ANKIB1: variants seen among roughly 807,000 people sequenced by gnomAD.
ANKIB1 encodes ankyrin repeat and IBR domain-containing protein 1.
In ANKIB1, 43 loss-of-function variants were observed where a neutral mutation model predicts 122.1. The observed-to-expected ratio is 0.35, with a 90% CI of 0.28 to 0.45. The LOEUF (loss-of-function observed/expected upper bound fraction) is 0.45, where lower values mean the gene tolerates loss of function less well. ANKIB1 is among the 20% of genes least tolerant of loss of function. The pLI, the probability that ANKIB1 is intolerant of heterozygous loss-of-function variation, is 1.00. For missense variants in ANKIB1, 992 were observed against 1,329.5 expected, an observed-to-expected ratio of 0.75 and a Z score of 3.95; for synonymous variants, 390 against 442.0, an observed-to-expected ratio of 0.88 and a Z score of 1.48.
At chr7:92,269,168 ATG>A (rs1801734134) in intron 1 of ANKIB1, among the ~76,000 whole-genome samples, 1 of 152,174 alleles carries the variant, frequency 6.6e-6, no homozygotes, top group Admixed American at 6.5e-5. Flanking sequence ...TTGTAATAGC[ATG>A]TCTCACCCTG....
intron 11 of ANKIB1, among the ~76,000 whole-genome samples, chr7:92,384,819 G>A (rs1483685690): frequency 6.6e-6 from 1 of 152,144 alleles, no homozygotes. Flanking sequence ...TCAGGACATA[G>A]GCATGGACAA....
chr7:92,355,171 AC>A (rs1803768960), intron 9 of ANKIB1, among the ~76,000 whole-genome samples: 1 of 152,186 alleles, frequency 6.6e-6, no homozygotes, highest in Non-Finnish European at 1.5e-5. Flanking sequence ...CTTTATAATT[AC>A]AATTTGTGTG....
chr7:92,306,051 C>T (rs1031947815), intron 2 of ANKIB1, among the ~76,000 whole-genome samples: 2 of 150,678 alleles, frequency 1.3e-5, no homozygotes, highest in Non-Finnish European at 3.0e-5. Context: ...CCACCCCACC[C>T]TCTGGTCTCC....
chr7:92,386,357 G>C (rs1160037055), intron 11 of ANKIB1, among the ~76,000 whole-genome samples, 152 bp from the exon 12 acceptor site: 2 of 152,114 alleles, frequency 1.3e-5, no homozygotes, highest in Non-Finnish European at 2.9e-5. Flanking sequence ...GTCTCCAGAG[G>C]ACACATGAGA....
chr7:92,342,402 G>C (rs1050283708), intron 5 of ANKIB1, among the ~76,000 whole-genome samples: 9 of 152,120 alleles, frequency 5.9e-5, no homozygotes, highest in African/African-American at 1.9e-4. Flanking sequence ...ATTATAGTAT[G>C]TTTTACTTGG....
At chr7:92,343,348 C>A in intron 6 of ANKIB1, 116 bp downstream of exon 6, 1 of 887,332 alleles carries the variant, frequency 1.1e-6, no homozygotes, top group Non-Finnish European at 1.7e-6. Context: ...TGAATCCTAT[C>A]CCTTTCTTGA....
At chr7:92,393,351 T>C (rs1234013009) in intron 17 of ANKIB1, among the ~76,000 whole-genome samples, 4 of 152,112 alleles carry the variant, frequency 2.6e-5, no homozygotes, top group Non-Finnish European at 5.9e-5. Context: ...AAAATTGTGA[T>C]ATATTAATGA....
intron 3 of ANKIB1, among the ~76,000 whole-genome samples, chr7:92,314,728 G>A (rs900328704): frequency 1.8e-4 from 28 of 152,138 alleles, no homozygotes; most frequent in African/African-American, 4.6e-4. Context: ...GAAAACCTTT[G>A]TGCTAGAACA....
At position 92,266,914 on chromosome 7, in the gene ANKIB1, A is replaced by G. The variant is rs540860429; in HGVS notation, c.-91+20395A>G. 7.7e-4 allele frequency among the ~76,000 whole-genome samples: 118 copies of G among 152,330 alleles called. 2 individuals carry two copies. In the Middle Eastern group the frequency reaches 0.01, roughly 13 times the overall value. ...AACAGCATGACAGCCAGCAAAGGAA[A>G]GTAGTTTCCAATGCCCACCTTCATT... On this transcript the variant is annotated intron_variant, in intron 1 of 19. Coordinates refer to ENST00000265742, the MANE Select transcript of ANKIB1 (RefSeq NM_019004.2).
intron 1 of ANKIB1, among the ~76,000 whole-genome samples, chr7:92,268,582 A>G (rs1016395241): frequency 1.3e-5 from 2 of 152,134 alleles, no homozygotes; most frequent in East Asian, 1.9e-4. Flanking sequence ...GGTTCAAGCA[A>G]TCCTCCCACC....
intron 11 of ANKIB1, among the ~76,000 whole-genome samples, chr7:92,372,748 TTTTA>T (rs1804299997): frequency 6.6e-6 from 1 of 152,180 alleles, no homozygotes; most frequent in Non-Finnish European, 1.5e-5. Context: ...ATTAATAACA[TTTTA>T]TTAATCCCTA....
chr7:92,278,931 A>G (rs1396335849), intron 1 of ANKIB1, among the ~76,000 whole-genome samples: 3 of 152,202 alleles, frequency 2.0e-5, no homozygotes, highest in Admixed American at 1.3e-4. Context: ...ACCCAAACAC[A>G]AGGCAAAAGC....
chr7:92,389,994 A>G lies in ANKIB1; in HGVS notation c.1930A>G (p.Thr644Ala). Residue 644 changes from threonine to alanine, a missense_variant, in exon 15 of 20, where the codon ACT (threonine) becomes GCT (alanine). By Grantham distance (58) the Thr-to-Ala change is moderately conservative. Coordinates refer to ENST00000265742, the MANE Select transcript of ANKIB1 (RefSeq NM_019004.2). ...AGCTGAAGGAGGCTGTCCAGATACCACTTTCATTGAAGATGCAGTTCATGT... is the reference window on the plus strand; with the variant it reads ...AGCTGAAGGAGGCTGTCCAGATACCGCTTTCATTGAAGATGCAGTTCATGT... Reference protein sequence around the residue: ...KETEGGCPDTTFIEDAVHVLL... With the variant: ...KETEGGCPDTAFIEDAVHVLL... 2 of 1,600,368 alleles carry G rather than the reference A, an allele frequency of 1.2e-6. No homozygotes were observed. Among genetic ancestry groups the G allele is most frequent in the South Asian group, 1.2e-5 (1 of 86,678 alleles).
intron 2 of ANKIB1, among the ~76,000 whole-genome samples, chr7:92,297,995 C>A (rs560591551): frequency 6.6e-6 from 1 of 152,094 alleles, no homozygotes; most frequent in African/African-American, 2.4e-5. Context: ...AATTACCTGT[C>A]CTTTAAGTCC....
intron 1 of ANKIB1, among the ~76,000 whole-genome samples, chr7:92,273,800 A>G (rs1325190071): frequency 2.7e-5 from 4 of 150,346 alleles, no homozygotes; most frequent in African/African-American, 9.8e-5. Flanking sequence ...TGAGACAGGG[A>G]ATCACTCTGT....
intron 1 of ANKIB1, among the ~76,000 whole-genome samples, chr7:92,289,485 C>T (rs546398167): frequency 6.6e-6 from 1 of 152,350 alleles, no homozygotes; most frequent in East Asian, 1.9e-4. Context: ...AACAAGCTGA[C>T]TTCCACCACA....
At chr7:92,378,477 T>C (rs114427523) in intron 11 of ANKIB1, among the ~76,000 whole-genome samples, 1,360 of 128,114 alleles carry the variant, frequency 0.011, 30 homozygotes, top group African/African-American at 0.04. Context: ...AAAAGCTATT[T>C]GACAAAAAAA....
chr7:92,361,491 A>G lies in ANKIB1; in HGVS notation c.1398-694A>G, dbSNP rs144899471. ...AATCACATGGGGCCTGTTCTTCTGC[A>G]TGTCTAAAAAGCTGCTCAGTAATGG... On this transcript the variant is annotated intron_variant, in intron 9 of 19. Coordinates refer to ENST00000265742, the MANE Select transcript of ANKIB1 (RefSeq NM_019004.2). Among the ~76,000 whole-genome samples the G allele has an allele frequency of 9.2e-5, 14 of 152,342 alleles. No homozygotes were observed. The East Asian group carries it at 2.5e-3, about 27-fold the overall frequency.
In ANKIB1 at chr7:92,299,797, A is replaced by G. The variant is rs547509123; in HGVS notation, c.188+4631A>G. Among the ~76,000 whole-genome samples, 18 of 152,026 alleles carry G rather than the reference A, an allele frequency of 1.2e-4. No homozygotes were observed. The East Asian group carries it at 3.3e-3, about 28-fold the overall frequency. On this transcript the variant is annotated intron_variant, in intron 2 of 19. Transcript: ENST00000265742. ...ATCCATATAAACAAAAACTCTTAGG[A>G]ACCTACAGTAATTTTGTTTTTTTTT...
Sources: allele counts gnomAD v4.1 joint callset (sites outside exome capture counted in the v4.1 genomes callset), GRCh38; gene constraint gnomAD v4.1.1; transcripts MANE v1.5; gene names NCBI Gene and HGNC (gene_info 2026-07-23, HGNC 2026-07-21).